NFATC2: variants seen among roughly 807,000 people sequenced by gnomAD.
NFATC2 encodes nuclear factor of activated T cells 2.
Under a neutral mutation model 87.3 loss-of-function variants are expected in NFATC2, and 22 were observed. That is an observed-to-expected ratio of 0.25 (90% CI 0.18 to 0.36). NFATC2 has a LOEUF of 0.36. NFATC2 is among the 10% of genes least tolerant of loss of function. The probability of loss-of-function intolerance (pLI) is 1.00; values close to 1 mark genes in which losing one functional copy is unlikely to be tolerated. For synonymous variants in NFATC2, 565 were observed against 542.2 expected, an observed-to-expected ratio of 1.04 and a Z score of -0.58; for missense variants, 1,149 against 1,259.1, an observed-to-expected ratio of 0.91 and a Z score of 1.32.
At chr20:51,509,395 C>G (rs1481044009) in intron 3 of NFATC2, among the ~76,000 whole-genome samples, 4 of 152,206 alleles carry the variant, frequency 2.6e-5, no homozygotes, top group Non-Finnish European at 5.9e-5. Context: ...GCCAAGCACA[C>G]AGTAGGTGCT....
intron 3 of NFATC2, among the ~76,000 whole-genome samples, chr20:51,496,137 T>TG (rs1452394000): frequency 6.6e-6 from 1 of 152,062 alleles, no homozygotes; most frequent in Non-Finnish European, 1.5e-5. Flanking sequence ...TGAGACCCCA[T>TG]GCGGGAGGCA....
intron 1 of NFATC2, among the ~76,000 whole-genome samples, chr20:51,561,443 GAAAGAAAGAAAGAAAGA>G (rs2077025283): frequency 1.0e-5 from 1 of 96,050 alleles, no homozygotes; most frequent in African/African-American, 3.9e-5. Flanking sequence ...AAGAAAGAAA[GAAAGAAAGAAAGAAAGA>G]AAGAAAGAAA....
chr20:51,556,334 C>A (rs2076977964), intron 1 of NFATC2, among the ~76,000 whole-genome samples: 1 of 152,174 alleles, frequency 6.6e-6, no homozygotes, highest in Non-Finnish European at 1.5e-5. Context: ...CTACTACACC[C>A]ACCCACTCAC....
intron 6 of NFATC2, among the ~76,000 whole-genome samples, chr20:51,440,020 T>C (rs1294418326): frequency 1.3e-5 from 2 of 152,172 alleles, no homozygotes; most frequent in Non-Finnish European, 2.9e-5. Flanking sequence ...GCGGATCACC[T>C]GAGGTCAAGA....
At chr20:51,410,287 T>A (rs1600677970) in intron 9 of NFATC2, among the ~76,000 whole-genome samples, 1 of 151,434 alleles carries the variant, frequency 6.6e-6, no homozygotes, top group South Asian at 2.1e-4. Context: ...TTTGATAATA[T>A]TAAAGAATTC....
At chr20:51,551,966 G>A (rs1049600889) in intron 1 of NFATC2, among the ~76,000 whole-genome samples, 2 of 151,976 alleles carry the variant, frequency 1.3e-5, no homozygotes, top group East Asian at 3.9e-4. Context: ...GGTGGAGCTT[G>A]CAGTGAGCTG....
chr20:51,431,818 T>C (rs1982753942), intron 9 of NFATC2, among the ~76,000 whole-genome samples: 1 of 152,046 alleles, frequency 6.6e-6, no homozygotes, highest in Admixed American at 6.5e-5. Flanking sequence ...GCTTTTTCTA[T>C]GGGGGCGATT....
At chr20:51,511,862 C>T (rs966678923) in intron 3 of NFATC2, among the ~76,000 whole-genome samples, 2 of 152,198 alleles carry the variant, frequency 1.3e-5, no homozygotes, top group Non-Finnish European at 2.9e-5. Flanking sequence ...CTACTCAAAA[C>T]GTATCATGTC....
chr20:51,414,939 C>T (rs60769449), intron 9 of NFATC2, among the ~76,000 whole-genome samples: 3,673 of 152,026 alleles, frequency 0.024, 150 homozygotes, highest in African/African-American at 0.084. Context: ...TGAAATCTGC[C>T]CCTTTCTTTT....
At position 51,562,251 on chromosome 20, in the gene NFATC2, G is replaced by T. The variant is rs1176959834; in HGVS notation, c.70+309C>A. Among the ~76,000 whole-genome samples the T allele has an allele frequency of 6.6e-6, 1 of 152,244 alleles. No homozygotes were observed. The highest frequency in any genetic ancestry group is 1.5e-5 in the Non-Finnish European group (1 of 68,036). ...TTAAACAGCCAGCGGTTAGTAGCGA[G>T]AATCCCTCCCGGTGTCCCGTGGAGA... On this transcript the variant is annotated intron_variant, in intron 1 of 10. Transcript: ENST00000414705. The surrounding 1 kb of genome is among the most constrained non-coding windows in gnomAD (Gnocchi z 5.8).
intron 1 of NFATC2, among the ~76,000 whole-genome samples, chr20:51,551,413 A>T (rs1297136654): frequency 1.3e-5 from 2 of 150,942 alleles, no homozygotes; most frequent in African/African-American, 2.4e-5. Context: ...TTATTTATTT[A>T]TTTTTTTTGA....
rs1987599130 is a variant in NFATC2, at chr20:51,398,649, C to A, written c.*38G>T. The stretch of plus-strand genomic sequence containing the variant: ...AGCAGAAGATATCGATTACCTTTAA[C>A]TTTGATTTCTCGGATCAAAGATCAC... On this transcript the variant is annotated 3_prime_UTR_variant, in exon 10 of 11. Coordinates refer to ENST00000371564, the MANE Select transcript of NFATC2 (RefSeq NM_012340.5). 2 of 1,605,304 alleles carry A rather than the reference C, an allele frequency of 1.2e-6. No homozygotes were observed. Among genetic ancestry groups the A allele is most frequent in the African/African-American group, 1.3e-5 (1 of 74,712 alleles).
chr20:51,499,746 A>G (rs906015429), intron 3 of NFATC2, among the ~76,000 whole-genome samples: 1 of 151,574 alleles, frequency 6.6e-6, no homozygotes, highest in Admixed American at 6.6e-5. Context: ...CATCTTAAAA[A>G]AAAAAAAAGA....
chr20:51,562,725 G>C (rs1490668393), upstream of NFATC2: 1 of 1,272,314 alleles, frequency 7.9e-7, no homozygotes, highest in Non-Finnish European at 1.1e-6. This position sits in a 1 kb window ranked among gnomAD's most constrained non-coding sequence, Gnocchi z 5.8. Flanking sequence ...CCGCGTGCCC[G>C]CGGGGCTGCC....
intron 3 of NFATC2, among the ~76,000 whole-genome samples, chr20:51,502,175 T>C (rs1434549854): frequency 6.6e-6 from 1 of 152,184 alleles, no homozygotes; most frequent in Non-Finnish European, 1.5e-5. Flanking sequence ...TCTAACACAA[T>C]GCCTGGTATG....
chr20:51,454,639 G>C lies in NFATC2; in HGVS notation c.1758C>G (p.Asp586Glu). ...GCTGGCCGCCATAGACCAGGCAGCT[G>C]TCTGTGTCTTGTCTTTCAACCATGG... is the stretch of plus-strand genomic sequence containing the variant. The part of the protein sequence containing the change: ...ELPMVERQDT[D>E]SCLVYGGQQM... The change falls in exon 6 of 11, where the codon GAC (aspartate) becomes GAG (glutamate). Residue 586 changes from aspartate (D) to glutamate (E), a missense_variant. Asp to Glu is a conservative substitution (Grantham distance 45, BLOSUM62 2). Transcript: ENST00000371564. The C allele has an allele frequency of 6.2e-7, 1 of 1,614,128 alleles. No homozygotes were observed. Among genetic ancestry groups the C allele is most frequent in the East Asian group, 2.2e-5 (1 of 44,890 alleles).
At chr20:51,454,228 C>T (rs1362881545) in intron 6 of NFATC2, among the ~76,000 whole-genome samples, 1 of 152,162 alleles carries the variant, frequency 6.6e-6, no homozygotes, top group Non-Finnish European at 1.5e-5. Flanking sequence ...GCTGTTTGGC[C>T]TCCCTTCTTG....
chr20:51,421,983 C>T lies in NFATC2; in HGVS notation c.2722+10084G>A, dbSNP rs1428719262. 5.3e-5 allele frequency among the ~76,000 whole-genome samples: 8 copies of T among 152,076 alleles called. No homozygotes were observed. The South Asian group carries it at 6.2e-4, about 12-fold the overall frequency. On this transcript the variant is annotated intron_variant, in intron 9 of 10. Transcript: ENST00000371564. ...TCAACTTCCAGAAATCTATAAGAAC[C>T]GGCTGCGGAACATTTCAAAGGCGTC...
Position 51,542,422 on chromosome 20 carries a change from G to A in NFATC2, c.78C>T (p.Asp26=). 5 of 1,603,286 alleles carry A rather than the reference G, an allele frequency of 3.1e-6. No homozygotes were observed. The highest frequency in any genetic ancestry group is 3.3e-4 in the Middle Eastern group (2 of 6,016). ...PGHEPGGSPQ[D]ELDFSILFDY... ...CGAAGAGGATGGAGAAGTCAAGCTC[G>A]TCTTGGGGGCTGCCCCCAGGCTCGT... Residue 26 remains aspartate, a synonymous_variant, in exon 1 of 11, where the codon GAC becomes GAT. Coordinates refer to ENST00000371564, the MANE Select transcript of NFATC2 (RefSeq NM_012340.5).
Sources: allele counts gnomAD v4.1 joint callset (sites outside exome capture counted in the v4.1 genomes callset), GRCh38; gene constraint gnomAD v4.1.1; non-coding constraint Gnocchi (gnomAD v3.1); transcripts MANE v1.5; gene names NCBI Gene and HGNC (gene_info 2026-07-23, HGNC 2026-07-21).